Variants in CUBN observed in about 807,000 individuals in gnomAD.
CUBN encodes the protein 460 kDa receptor.
Under a neutral mutation model 405.3 loss-of-function variants are expected in CUBN, and 282 were observed. The observed-to-expected ratio is 0.70, with a 90% CI of 0.63 to 0.77. The LOEUF (loss-of-function observed/expected upper bound fraction) is 0.77. CUBN is among the 30% of genes least tolerant of loss of function. CUBN has a pLI of 0.00. For synonymous variants in CUBN, 1,684 were observed against 1,617.0 expected (o/e 1.04, Z -0.99); for missense variants, 4,514 against 4,475.2 (o/e 1.01, Z -0.25).
intron 40 of CUBN, among the ~76,000 whole-genome samples, chr10:16,931,453 C>T (rs547437785): frequency 2.4e-4 from 36 of 152,278 alleles, no homozygotes; most frequent in African/African-American, 8.7e-4. Flanking sequence ...GGAATCCATA[C>T]GGAAAGGCCG....
chr10:16,876,798 A>C, intron 57 of CUBN, 99 bp downstream of exon 57: 2 of 1,027,894 alleles, frequency 1.9e-6, no homozygotes, highest in South Asian at 2.6e-5. Flanking sequence ...AAATTCTCTG[A>C]ATCTTCAAGT....
intron 62 of CUBN, among the ~76,000 whole-genome samples, chr10:16,837,006 A>G (rs1839190689): frequency 6.6e-6 from 1 of 152,072 alleles, no homozygotes; most frequent in Non-Finnish European, 1.5e-5. Context: ...TCCCTGTCAC[A>G]GGAATGTCTC....
intron 60 of CUBN, among the ~76,000 whole-genome samples, chr10:16,843,995 C>T (rs1325437222): frequency 3.3e-5 from 5 of 152,070 alleles, no homozygotes; most frequent in South Asian, 2.1e-4. Context: ...ACCTGCGGGG[C>T]GTGGTGGCTC....
chr10:16,900,448 C>T (rs1432399883), intron 53 of CUBN, among the ~76,000 whole-genome samples, 177 bp downstream of exon 53: 1 of 152,230 alleles, frequency 6.6e-6, no homozygotes, highest in Admixed American at 6.5e-5. Context: ...TCTGCCCATG[C>T]AAAATAGAGA....
intron 31 of CUBN, chr10:16,966,026 G>C (rs1056807401): frequency 2.1e-6 from 1 of 470,406 alleles, no homozygotes; most frequent in Non-Finnish European, 4.4e-6. Flanking sequence ...AGAATGTTGA[G>C]AGACCATGAT....
In CUBN at chr10:17,068,714, G is replaced by A. The variant is rs1300696854; in HGVS notation, c.2682C>T (p.Asp894=). ...ACACAGATGTTATAAATGAAGGTAT[G>A]TCTGTACCGCAATACTTTTTATTTT... ...SPENKKYCGT[D]IPSFITSVYN... The change falls in exon 20 of 67, where the codon GAC becomes GAT. Residue 894 remains aspartate, a synonymous_variant. Coordinates refer to ENST00000377833, the MANE Select transcript of CUBN (RefSeq NM_001081.4). 1 of 1,611,930 alleles carries A rather than the reference G, an allele frequency of 6.2e-7. No individual in the cohort carries two copies. The highest frequency in any genetic ancestry group is 1.7e-5 in the Admixed American group (1 of 59,962).
At chr10:17,053,813 C>A (rs1835325323) in intron 22 of CUBN, among the ~76,000 whole-genome samples, 1 of 152,076 alleles carries the variant, frequency 6.6e-6, no homozygotes, top group African/African-American at 2.4e-5. Context: ...AGACCACATG[C>A]AGGGCTGTAA....
rs770636895 is a variant in CUBN at position 16,933,093 on chromosome 10, G to T, written c.6118C>A (p.Arg2040=). ...TTCTTTATAATGTTCTCACCATCTCGTATCACAAGGCTATCATAGGCACAC... is the reference window on the plus strand; with the variant it reads ...TTCTTTATAATGTTCTCACCATCTCTTATCACAAGGCTATCATAGGCACAC... ...RTCAYDSLVI[R]DGDNNLAQQL... The change falls in exon 40 of 67, where the codon CGA becomes AGA. Residue 2040 remains arginine, a synonymous_variant. Coordinates refer to ENST00000377833, the MANE Select transcript of CUBN (RefSeq NM_001081.4). 1.9e-6 allele frequency: 3 copies of T among 1,613,644 alleles called. No homozygotes were observed. Among genetic ancestry groups the T allele is most frequent in the Non-Finnish European group, 2.5e-6 (3 of 1,179,690 alleles).
intron 59 of CUBN, among the ~76,000 whole-genome samples, chr10:16,869,261 G>A (rs1038514291): frequency 2.0e-5 from 3 of 149,380 alleles, no homozygotes; most frequent in African/African-American, 7.4e-5. Flanking sequence ...CATCTCCTGG[G>A]TTCAAGCAAT....
Position 16,824,563 on chromosome 10 carries a change from C to T in CUBN, c.*412G>A, listed in dbSNP as rs187251339. 2.7e-3 allele frequency: 464 copies of T among 170,240 alleles called. 2 individuals are homozygous for T. The highest frequency in any genetic ancestry group is 0.011 in the African/African-American group (440 of 41,830). The allele number at this position is 170,240 out of a possible 1,614,324, so 10.5% of individuals were successfully genotyped here. ...TGAGATGGAGTCTTGCCGTCTCGCC[C>T]AGGCTGGAGTGTAGTGGTGTGATCT... On this transcript the variant is annotated 3_prime_UTR_variant, in exon 67 of 67. Coordinates refer to ENST00000377833, the MANE Select transcript of CUBN (RefSeq NM_001081.4).
chr10:16,910,477 C>T (rs1418899417), intron 48 of CUBN, among the ~76,000 whole-genome samples: 1 of 152,092 alleles, frequency 6.6e-6, no homozygotes, highest in East Asian at 1.9e-4. Flanking sequence ...GAAAGTGATT[C>T]GTCGCTGGAG....
chr10:17,111,000 T>C lies in CUBN; in HGVS notation c.934A>G (p.Asn312Asp), dbSNP rs934611881. Reference protein sequence around the residue: ...ICEDINECEINNGGCSVAPPV... With the variant: ...ICEDINECEIDNGGCSVAPPV... Reference sequence around the variant, plus strand: ...GGAGCCACAGAACAGCCGCCGTTATTTATCTCACATTCATTGATATCTTCG... The same window carrying C: ...GGAGCCACAGAACAGCCGCCGTTATCTATCTCACATTCATTGATATCTTCG... Residue 312 changes from asparagine to aspartate, a missense_variant, in exon 9 of 67, where the codon AAT (asparagine) becomes GAT (aspartate). Asn to Asp is a conservative substitution (Grantham distance 23). Coordinates refer to ENST00000377833, the MANE Select transcript of CUBN (RefSeq NM_001081.4). 6.2e-7 allele frequency: 1 copy of C among 1,614,074 alleles called. No homozygotes were observed. The highest frequency in any genetic ancestry group is 1.7e-5 in the Admixed American group (1 of 60,006).
intron 27 of CUBN, among the ~76,000 whole-genome samples, chr10:17,040,755 A>C (rs1377652666): frequency 6.6e-6 from 1 of 152,130 alleles, no homozygotes; most frequent in East Asian, 1.9e-4. Context: ...ACCAACAAAA[A>C]ATAGAGGTTA....
At chr10:16,864,649 TTTTC>T (rs200401063) in intron 59 of CUBN, among the ~76,000 whole-genome samples, 10 of 140,142 alleles carry the variant, frequency 7.1e-5, no homozygotes, top group Admixed American at 6.3e-4. Context: ...ATATGTCTTT[TTTTC>T]TTTCTTTTTT....
intron 22 of CUBN, 150 bp downstream of exon 22, chr10:17,065,358 G>A: frequency 7.7e-6 from 7 of 909,382 alleles, no homozygotes; most frequent in Admixed American, 3.5e-5. Context: ...TTTTAATAAG[G>A]AAGGTATTTA....
chr10:16,931,124 T>C (rs1374907915), intron 40 of CUBN, among the ~76,000 whole-genome samples: 1 of 150,124 alleles, frequency 6.7e-6, no homozygotes, highest in African/African-American at 2.4e-5. Context: ...ATTAGCTGAG[T>C]GCGGTGGCGG....
chr10:17,061,303 T>C (rs891655282), intron 22 of CUBN, among the ~76,000 whole-genome samples: 1 of 152,164 alleles, frequency 6.6e-6, no homozygotes, highest in Admixed American at 6.5e-5. Flanking sequence ...CTTGATAAAC[T>C]ACAAAGTTTC....
chr10:16,975,277 C>T (rs1833057146), intron 31 of CUBN, among the ~76,000 whole-genome samples: 1 of 152,228 alleles, frequency 6.6e-6, no homozygotes, highest in African/African-American at 2.4e-5. Context: ...TTTGAGGTTT[C>T]ACTCCTGCTG....
chr10:17,128,990 T>A, intron 2 of CUBN, 131 bp downstream of exon 2: 1 of 678,522 alleles, frequency 1.5e-6, no homozygotes, highest in East Asian at 2.9e-5. Flanking sequence ...ATTATAGGAA[T>A]GTATCAAATT....
Sources: allele counts gnomAD v4.1 joint callset (sites outside exome capture counted in the v4.1 genomes callset), GRCh38; gene constraint gnomAD v4.1.1; transcripts MANE v1.5; gene names NCBI Gene and HGNC (gene_info 2026-07-23, HGNC 2026-07-21).